Variants in PCDHA2 observed in about 807,000 individuals in gnomAD.
PCDHA2 encodes protocadherin alpha-2.
In PCDHA2, 58 loss-of-function variants were observed where a neutral mutation model predicts 66.0. The observed-to-expected ratio is 0.88, with a 90% CI of 0.71 to 1.09. PCDHA2 has a LOEUF of 1.09. PCDHA2 is among the 50% of genes least tolerant of loss of function. The probability of loss-of-function intolerance (pLI) is 0.00; values close to 1 mark genes in which losing one functional copy is unlikely to be tolerated. For synonymous variants in PCDHA2, 634 were observed against 554.0 expected (o/e 1.14, Z -2.03); for missense variants, 1,267 against 1,242.3 (o/e 1.02, Z -0.30).
chr5:140,976,507 C>T (rs868949957), intron 1 of PCDHA2, among the ~76,000 whole-genome samples: 2 of 151,968 alleles, frequency 1.3e-5, no homozygotes, highest in African/African-American at 4.8e-5. Context: ...GCCAAGATCG[C>T]GCCACTGCAC....
chr5:140,845,818 A>T (rs1554141021), intron 1 of PCDHA2, among the ~76,000 whole-genome samples: 2 of 149,728 alleles, frequency 1.3e-5, no homozygotes, highest in Admixed American at 1.3e-4. Flanking sequence ...ACATAATAAA[A>T]TTTAGTTATT....
At chr5:140,868,550 T>A (rs2050522684) in intron 1 of PCDHA2, 1 of 152,704 alleles carries the variant, frequency 6.5e-6, no homozygotes, top group South Asian at 2.1e-4. Flanking sequence ...AATTTGATAG[T>A]ATTTTTATAT....
chr5:140,848,569 T>C lies in PCDHA2; in HGVS notation c.2388+51217T>C, dbSNP rs1382719331. On this transcript the variant is annotated intron_variant, in intron 1 of 3. Coordinates refer to ENST00000526136, the MANE Select transcript of PCDHA2 (RefSeq NM_018905.3). ...TCGCTTCTGATCCTCGCAATGTGGG[T>C]GGTGGGGAGCGGCCAGCTCCACTAC... 5.0e-6 allele frequency: 8 copies of C among 1,595,090 alleles called. 2 individuals carry two copies. The highest frequency in any genetic ancestry group is 6.9e-6 in the Non-Finnish European group (8 of 1,165,390).
At chr5:140,807,132 T>C in intron 1 of PCDHA2, 3 of 1,559,298 alleles carry the variant, frequency 1.9e-6, no homozygotes, top group Non-Finnish European at 1.7e-6. Context: ...GATTAAAAGA[T>C]TTCCCTTGAC....
At chr5:140,953,092 G>A (rs141861684) in intron 1 of PCDHA2, among the ~76,000 whole-genome samples, 2 of 152,252 alleles carry the variant, frequency 1.3e-5, no homozygotes, top group South Asian at 2.1e-4. Context: ...ATTACAATTT[G>A]ACATGAGATT....
chr5:140,826,859 G>T (rs1313241483), intron 1 of PCDHA2, among the ~76,000 whole-genome samples: 3 of 152,092 alleles, frequency 2.0e-5, no homozygotes, highest in Non-Finnish European at 4.4e-5. Flanking sequence ...CAATTTCTAG[G>T]TTTAGTAAAA....
chr5:140,883,835 T>C (rs782244088), intron 1 of PCDHA2: 10 of 1,612,448 alleles, frequency 6.2e-6, no homozygotes, highest in East Asian at 4.5e-5. Flanking sequence ...GCTGCAGCCG[T>C]TGGACCACGA....
chr5:140,842,746 C>T, intron 1 of PCDHA2: 1 of 1,595,086 alleles, frequency 6.3e-7, no homozygotes, highest in South Asian at 1.1e-5. Flanking sequence ...GCCACATCTT[C>T]ACGGTGTCTG....
At chr5:140,797,852 T>G (rs6899256) in intron 1 of PCDHA2, among the ~76,000 whole-genome samples, 48,629 of 151,936 alleles carry the variant, frequency 0.32, 8,596 homozygotes, top group East Asian at 0.5. Context: ...TACATTTTTT[T>G]TTTGTTTGTT....
intron 3 of PCDHA2, among the ~76,000 whole-genome samples, chr5:141,009,392 G>A (rs1016452113): frequency 2.6e-5 from 4 of 152,184 alleles, no homozygotes; most frequent in Non-Finnish European, 4.4e-5. Flanking sequence ...ACAGGAGGTC[G>A]AGGCTGCAGT....
At chr5:140,993,468 A>G (rs1327306188) in intron 3 of PCDHA2, among the ~76,000 whole-genome samples, 1 of 69,412 alleles carries the variant, frequency 1.4e-5, no homozygotes, top group African/African-American at 5.6e-5. Context: ...TTTCTCACAC[A>G]CACACACACA....
chr5:140,873,431 A>G (rs1395359965), intron 1 of PCDHA2, among the ~76,000 whole-genome samples: 1 of 152,228 alleles, frequency 6.6e-6, no homozygotes, highest in African/African-American at 2.4e-5. Context: ...ATTATTTTAT[A>G]TCACATAAAT....
chr5:140,853,569 G>A lies in PCDHA2; in HGVS notation c.2388+56217G>A. On this transcript the variant is annotated intron_variant, in intron 1 of 3. Transcript: ENST00000526136. ...ATTACTATATAGGAAAAACTAAGTT[G>A]TCACCCAATATCTTAGACACTTTGA... 1.3e-5 allele frequency: 13 copies of A among 981,402 alleles called. 1 individual carries two copies. The highest frequency in any genetic ancestry group is 1.6e-5 in the Non-Finnish European group (13 of 813,896). 60.8% of individuals were successfully genotyped at this position (981,402 alleles called of 1,614,324 possible).
At chr5:140,970,562 A>G (rs1406680335) in intron 1 of PCDHA2, among the ~76,000 whole-genome samples, 1 of 152,156 alleles carries the variant, frequency 6.6e-6, no homozygotes, top group African/African-American at 2.4e-5. Flanking sequence ...TCGTCTCCAT[A>G]TGTATGCTTG....
chr5:141,009,471 G>A, intron 3 of PCDHA2, 156 bp from the exon 4 acceptor site: 1 of 961,136 alleles, frequency 1.0e-6, no homozygotes, highest in Non-Finnish European at 1.2e-6. Context: ...AAATAAATAA[G>A]TAAACACTTG....
chr5:140,863,047 C>G (rs1554157583), intron 1 of PCDHA2: 1 of 560,866 alleles, frequency 1.8e-6, no homozygotes. Flanking sequence ...TGTCAGCTGG[C>G]AGCACCCGTT....
At position 140,802,148 on chromosome 5, in the gene PCDHA2, A is replaced by C. The variant is rs200090365; in HGVS notation, c.2388+4796A>C. ...ATTTCGAGGAAAGTAAGTCATATGA[A>C]ATCCAGGTAGAAGCCACGGATAAAG... On this transcript the variant is annotated intron_variant, in intron 1 of 3. Transcript: ENST00000526136. 1.3e-4 allele frequency: 208 copies of C among 1,614,138 alleles called. No individual in the cohort carries two copies. The highest frequency in any genetic ancestry group is 1.7e-4 in the Non-Finnish European group (200 of 1,180,052).
chr5:140,836,534 G>T (rs1774544367), intron 1 of PCDHA2: 1 of 1,613,844 alleles, frequency 6.2e-7, no homozygotes, highest in Non-Finnish European at 8.5e-7. Flanking sequence ...CCCTGCTGCT[G>T]TACACGGCGT....
rs140013560 is a variant in PCDHA2 at position 140,850,963 on chromosome 5, C to A, written c.2388+53611C>A. On this transcript the variant is annotated intron_variant, in intron 1 of 3. Coordinates refer to ENST00000526136, the MANE Select transcript of PCDHA2 (RefSeq NM_018905.3). The stretch of plus-strand genomic sequence containing the variant: ...AGATATTATCGATTACTCCCAGGGG[C>A]CGTTCAAATAGTTTTATTCATTTTT... The A allele has an allele frequency of 5.0e-4, 731 of 1,472,590 alleles. 40 individuals carry two copies. The African/African-American group carries it at 9.3e-3, about 19-fold the overall frequency. The allele number at this position is 1,472,590 out of a possible 1,614,324, so 91.2% of individuals were successfully genotyped here.
Sources: allele counts gnomAD v4.1 joint callset (sites outside exome capture counted in the v4.1 genomes callset), GRCh38; gene constraint gnomAD v4.1.1; transcripts MANE v1.5; gene names NCBI Gene and HGNC (gene_info 2026-07-23, HGNC 2026-07-21).